SRBD1: variants seen among roughly 807,000 people sequenced by gnomAD.
The protein encoded by SRBD1 is S1 RNA-binding domain-containing protein 1.
SRBD1 carries 88 observed loss-of-function variants against 115.3 expected under a neutral mutation model. That is an observed-to-expected ratio of 0.76 (90% confidence interval 0.64 to 0.91). SRBD1 has a LOEUF of 0.91. Ranked by LOEUF, SRBD1 falls within the 40% of genes least tolerant of loss-of-function variation. The pLI, the probability that SRBD1 is intolerant of heterozygous loss-of-function variation, is 0.00. For missense variants in SRBD1, 1,385 were observed against 1,177.4 expected (o/e 1.18, Z -2.58); for synonymous variants, 509 against 407.7 (o/e 1.25, Z -2.99).
chr2:45,497,944 G>A (rs975075239), intron 14 of SRBD1, among the ~76,000 whole-genome samples: 2 of 152,088 alleles, frequency 1.3e-5, no homozygotes, highest in African/African-American at 2.4e-5. Context: ...TGAGGCAGGA[G>A]AATCGCTTGA....
chr2:45,502,520 T>C (rs917533102), intron 14 of SRBD1, among the ~76,000 whole-genome samples: 39 of 152,174 alleles, frequency 2.6e-4, no homozygotes, highest in Non-Finnish European at 5.0e-4. Context: ...GACCAGTTCA[T>C]GTCCTTTGTA....
intron 14 of SRBD1, among the ~76,000 whole-genome samples, chr2:45,537,860 CACAGAAAAGT>C (rs2104000999): frequency 6.6e-6 from 1 of 152,144 alleles, no homozygotes; most frequent in Admixed American, 6.5e-5. Context: ...CCTCTGACAG[CACAGAAAAGT>C]ACAAGAGGAA....
chr2:45,577,321 A>G (rs1485710127), intron 7 of SRBD1, among the ~76,000 whole-genome samples: 1 of 152,256 alleles, frequency 6.6e-6, no homozygotes, highest in Non-Finnish European at 1.5e-5. Flanking sequence ...CAGCCAAGAT[A>G]ACAGATGTTC....
At chr2:45,539,606 T>C (rs1002645551) in intron 14 of SRBD1, among the ~76,000 whole-genome samples, 14 of 152,202 alleles carry the variant, frequency 9.2e-5, no homozygotes, top group Non-Finnish European at 2.1e-4. Flanking sequence ...TATGGAACTA[T>C]AAGCCATCTG....
At chr2:45,529,963 A>G (rs1248854110) in intron 14 of SRBD1, among the ~76,000 whole-genome samples, 1 of 152,056 alleles carries the variant, frequency 6.6e-6, no homozygotes, top group Non-Finnish European at 1.5e-5. Flanking sequence ...ATTGCTGGAC[A>G]TAACTTAAAA....
chr2:45,596,004 GA>G (rs886431337), intron 4 of SRBD1, among the ~76,000 whole-genome samples: 7 of 150,178 alleles, frequency 4.7e-5, no homozygotes, highest in Admixed American at 1.3e-4. Context: ...AAAGGAAGAG[GA>G]AAAAAAAATT....
At chr2:45,452,791 T>TG (rs921466679) in intron 16 of SRBD1, among the ~76,000 whole-genome samples, 7 of 151,632 alleles carry the variant, frequency 4.6e-5, no homozygotes, top group African/African-American at 9.7e-5. Flanking sequence ...TTGGTTGTGG[T>TG]GGGGGGGCGT....
chr2:45,605,251 A>G (rs1490374736), intron 2 of SRBD1, 111 bp downstream of exon 2: 5 of 940,934 alleles, frequency 5.3e-6, no homozygotes, highest in African/African-American at 1.7e-5. Context: ...AATGAATAAA[A>G]AAAGTTTTTT....
At chr2:45,601,155 C>T (rs1194895573) in intron 3 of SRBD1, among the ~76,000 whole-genome samples, 1 of 152,200 alleles carries the variant, frequency 6.6e-6, no homozygotes, top group East Asian at 1.9e-4. Flanking sequence ...TTAAAACATT[C>T]AATTGTGATT....
At chr2:45,522,678 C>G (rs1183128281) in intron 14 of SRBD1, among the ~76,000 whole-genome samples, 3 of 152,186 alleles carry the variant, frequency 2.0e-5, no homozygotes, top group African/African-American at 7.2e-5. Flanking sequence ...TTTTTCTCTT[C>G]AGCCTACTCA....
intron 16 of SRBD1, among the ~76,000 whole-genome samples, chr2:45,438,333 A>G (rs1668562830): frequency 6.6e-6 from 1 of 152,224 alleles, no homozygotes; most frequent in Non-Finnish European, 1.5e-5. Context: ...AATATCCACC[A>G]TGTAATAAAA....
rs865897976 is a variant in SRBD1 at position 45,560,852 on chromosome 2, C to T, written c.1409+1801G>A. 5.9e-5 allele frequency among the ~76,000 whole-genome samples: 9 copies of T among 151,880 alleles called. 1 individual carries two copies. Among genetic ancestry groups the T allele is most frequent in the Middle Eastern group, 6.8e-3 (2 of 294 alleles). Reference sequence around the variant, plus strand: ...CAGGCATGGTGGGTCACGCCTGTCACGCCAGCATTTTGGGAGGCTCAGATA... The same window carrying T: ...CAGGCATGGTGGGTCACGCCTGTCATGCCAGCATTTTGGGAGGCTCAGATA... On this transcript the variant is annotated intron_variant, in intron 10 of 20. Coordinates refer to ENST00000263736, the MANE Select transcript of SRBD1 (RefSeq NM_018079.5).
At chr2:45,473,160 C>CT (rs1468401532) in intron 16 of SRBD1, among the ~76,000 whole-genome samples, 1 of 151,788 alleles carries the variant, frequency 6.6e-6, no homozygotes, top group East Asian at 1.9e-4. Flanking sequence ...AAATTATAAA[C>CT]TTTTTACATT....
At chr2:45,420,117 G>C (rs573646120) in intron 16 of SRBD1, among the ~76,000 whole-genome samples, 1 of 152,170 alleles carries the variant, frequency 6.6e-6, no homozygotes, top group Admixed American at 6.5e-5. Flanking sequence ...AACAGTACCA[G>C]TATTTTTCCC....
intron 9 of SRBD1, 102 bp downstream of exon 9, chr2:45,573,105 C>A: frequency 3.2e-6 from 4 of 1,241,794 alleles, no homozygotes; most frequent in South Asian, 3.7e-5. Context: ...AAAAAGAAAA[C>A]AGTTGACATA....
intron 13 of SRBD1, 121 bp from the exon 14 acceptor site, chr2:45,546,960 G>C (rs1672140479): frequency 3.4e-6 from 3 of 895,136 alleles, no homozygotes; most frequent in African/African-American, 3.3e-5. Flanking sequence ...ATATATACAA[G>C]CAACCTGTCC....
chr2:45,585,597 A>G lies in SRBD1; in HGVS notation c.815+11T>C, dbSNP rs1180397284. 1.2e-6 allele frequency: 2 copies of G among 1,602,338 alleles called. No individual in the cohort carries two copies. Among genetic ancestry groups the G allele is most frequent in the Non-Finnish European group, 1.7e-6 (2 of 1,177,044 alleles). ...CCTTACACTAGGCTTATTCTTTTTT[A>G]GGTTTCTTACCGTAGCTCTTCTAGG... On this transcript the variant is annotated intron_variant, in intron 5 of 20. Transcript: ENST00000263736.
rs34959371 is a variant in SRBD1 at position 45,413,163 on chromosome 2, G to C, written c.2464C>G (p.Pro822Ala). The change falls in exon 19 of 21, where the codon CCT becomes GCT. Residue 822 changes from proline to alanine, a missense_variant. By Grantham distance (27) the Pro-to-Ala change is conservative. Transcript: ENST00000263736. The stretch of plus-strand genomic sequence containing the variant: ...GGATGAATACAAGTTTGGTCCAAAG[G>C]ATTTGGCTTCAGTAAAACATTCACT... Reference protein sequence around the residue: ...TAVNVLLKPNPLDQTCIHPES... With the variant: ...TAVNVLLKPNALDQTCIHPES... 4,194 of 1,614,072 alleles carry C rather than the reference G, an allele frequency of 2.6e-3. 18 individuals are homozygous for C. The highest frequency in any genetic ancestry group is 6.1e-3 in the Middle Eastern group (37 of 6,062).
chr2:45,489,645 A>T (rs1332107760), intron 14 of SRBD1, among the ~76,000 whole-genome samples: 2 of 152,188 alleles, frequency 1.3e-5, no homozygotes, highest in East Asian at 3.9e-4. Context: ...AGTGCATATT[A>T]TACACAAAGC....
Sources: gnomAD v4.1 joint callset for allele counts (sites outside exome capture counted in the v4.1 genomes callset) on GRCh38, gnomAD v4.1.1 for gene constraint, MANE v1.5 for transcripts, NCBI Gene and HGNC (gene_info 2026-07-23, HGNC 2026-07-21) for gene names.